Variants in FKBP1B observed in about 807,000 individuals in gnomAD.
FKBP1B encodes the protein FKBP prolyl isomerase 1B, also known as peptidyl-prolyl cis-trans isomerase FKBP1B.
FKBP1B carries 4 observed loss-of-function variants against 13.5 expected under a neutral mutation model. The ratio of observed to expected loss-of-function variants is 0.30; its 90% CI spans 0.15 to 0.68. The LOEUF is 0.68. FKBP1B is among the 30% of genes least tolerant of loss of function. FKBP1B has a pLI of 0.76. For synonymous variants in FKBP1B, 54 were observed against 53.6 expected (o/e 1.01, Z -0.03); for missense variants, 93 against 136.2 (o/e 0.68, Z 1.58).
chr2:24,057,000 T>C (rs533555509), intron 2 of FKBP1B, among the ~76,000 whole-genome samples: 10 of 152,090 alleles, frequency 6.6e-5, no homozygotes, highest in Admixed American at 6.6e-4. Flanking sequence ...CGGTTGTCTT[T>C]TTCTTGTTGA....
chr2:24,056,832 A>G (rs1011947938), intron 2 of FKBP1B, among the ~76,000 whole-genome samples: 5 of 152,074 alleles, frequency 3.3e-5, no homozygotes, highest in Admixed American at 3.3e-4. Context: ...CTGGGATTAC[A>G]GGTGTGTGCC....
Position 24,063,359 on chromosome 2 carries a change from C to T in FKBP1B, c.*167C>T, listed in dbSNP as rs1377088191. The T allele has an allele frequency of 3.2e-6, 2 of 629,436 alleles. No homozygotes were observed. The highest frequency in any genetic ancestry group is 5.0e-6 in the Non-Finnish European group (2 of 396,100). 39.0% of individuals were successfully genotyped at this position (629,436 alleles called of 1,614,324 possible). A position where few individuals can be genotyped will look rare whatever the true frequency, so the allele number is the denominator to read the frequency against. On this transcript the variant is annotated 3_prime_UTR_variant, in exon 4 of 4. Transcript: ENST00000380986. ...CCCAAGTTGCTCTGTATGTGTTCGT[C>T]AGTGTTCATGCGAATTCTTGCTTGA...
the FKBP1B span, chr2:24,039,587 A>C: frequency 7.4e-7 from 1 of 1,346,294 alleles, no homozygotes; most frequent in Non-Finnish European, 1.0e-6. Context: ...TTGGTAAGAC[A>C]ACGGCTTAGC....
At chr2:24,042,233 C>A in the FKBP1B span, among the ~76,000 whole-genome samples, 1 of 151,876 alleles carries the variant, frequency 6.6e-6, no homozygotes, top group Non-Finnish European at 1.5e-5. Flanking sequence ...GAAACCCCAT[C>A]TCTACTAAAA....
chr2:24,043,673 C>A, the FKBP1B span, among the ~76,000 whole-genome samples: 1 of 152,184 alleles, frequency 6.6e-6, no homozygotes, highest in Non-Finnish European at 1.5e-5. Context: ...CAAAACATCT[C>A]TCACCAGGCC....
chr2:24,061,193 G>A (rs910384930), intron 3 of FKBP1B, among the ~76,000 whole-genome samples: 15 of 152,228 alleles, frequency 9.9e-5, no homozygotes, highest in African/African-American at 2.9e-4. Flanking sequence ...AGCCAGGCAC[G>A]GTGGCTCACA....
At chr2:24,039,054 G>A in the FKBP1B span, 1 of 1,614,112 alleles carries the variant, frequency 6.2e-7, no homozygotes, top group Non-Finnish European at 8.5e-7. Flanking sequence ...CCTTTACCTG[G>A]GAATCATCAG....
chr2:24,063,478 TTCG>T lies in FKBP1B; in HGVS notation c.*287_*289del. 3.0e-6 allele frequency: 1 copy of T among 337,470 alleles called. No individual in the cohort carries two copies. Among genetic ancestry groups the T allele is most frequent in the Non-Finnish European group, 5.3e-6 (1 of 186,918 alleles). The allele number at this position is 337,470 out of a possible 1,614,324, so 20.9% of individuals were successfully genotyped here. ...CTGATGACAGAACACAGATCTCTTG[TTCG>T]CACAATCTACACTGCCTTACCTTCA... On this transcript the variant is annotated 3_prime_UTR_variant, in exon 4 of 4. Transcript: ENST00000380986.
At chr2:24,038,587 A>G in the FKBP1B span, 1 of 1,613,840 alleles carries the variant, frequency 6.2e-7, no homozygotes, top group Non-Finnish European at 8.5e-7. Flanking sequence ...CTTTTTTCTT[A>G]GACAAATAAG....
At chr2:24,059,235 T>A (rs1340308742) in intron 2 of FKBP1B, among the ~76,000 whole-genome samples, 1 of 152,196 alleles carries the variant, frequency 6.6e-6, no homozygotes, top group East Asian at 1.9e-4. Flanking sequence ...GAAGGTCTGA[T>A]CTTTGAGTCA....
At chr2:24,059,807 A>T (rs1419182755) in intron 2 of FKBP1B, among the ~76,000 whole-genome samples, 3 of 148,758 alleles carry the variant, frequency 2.0e-5, no homozygotes, top group Admixed American at 6.8e-5. Context: ...AGGCAGGAGA[A>T]TCCCTTGAAC....
At chr2:24,038,438 C>A in the FKBP1B span, 1 of 1,614,114 alleles carries the variant, frequency 6.2e-7, no homozygotes, top group Non-Finnish European at 8.5e-7. Context: ...ACTGCCACTA[C>A]GTGGGCTTTA....
chr2:24,049,932 C>A (rs1663776648), intron 1 of FKBP1B, 46 bp downstream of exon 1: 10 of 1,339,386 alleles, frequency 7.5e-6, no homozygotes, highest in South Asian at 1.7e-5. Flanking sequence ...GGTCCCGGGG[C>A]GGAGCCCGGA....
the FKBP1B span, chr2:24,038,295 T>C: frequency 6.2e-7 from 1 of 1,614,200 alleles, no homozygotes; most frequent in East Asian, 2.2e-5. Flanking sequence ...CTACCAAAAT[T>C]AGTAATAGTT....
At chr2:24,053,123 G>A (rs146290863) in intron 1 of FKBP1B, among the ~76,000 whole-genome samples, 6 of 151,830 alleles carry the variant, frequency 4.0e-5, no homozygotes, top group Non-Finnish European at 8.8e-5. Flanking sequence ...TTGTCTGTTT[G>A]TTTATTGTGA....
the FKBP1B span, among the ~76,000 whole-genome samples, chr2:24,034,879 A>G: frequency 6.6e-5 from 10 of 152,096 alleles, no homozygotes; most frequent in Non-Finnish European, 1.5e-5. Flanking sequence ...CTGGCCAAAC[A>G]TGGTTGTTTT....
At chr2:24,062,000 G>GC (rs1374036793) in intron 3 of FKBP1B, among the ~76,000 whole-genome samples, 2 of 152,042 alleles carry the variant, frequency 1.3e-5, no homozygotes, top group African/African-American at 4.8e-5. Context: ...CTCCCTAGTA[G>GC]CTGGGACTAC....
the FKBP1B span, among the ~76,000 whole-genome samples, chr2:24,044,451 G>C: frequency 9.2e-5 from 14 of 152,190 alleles, no homozygotes; most frequent in African/African-American, 2.9e-4. Context: ...ATTTTTAGTA[G>C]AGACTGGGTT....
the FKBP1B span, among the ~76,000 whole-genome samples, chr2:24,035,124 A>G: frequency 2.0e-5 from 3 of 151,858 alleles, no homozygotes; most frequent in Non-Finnish European, 2.9e-5. Context: ...AGGTTGGATT[A>G]TGGAAAATTT....
Sources: gnomAD v4.1 joint callset for allele counts (sites outside exome capture counted in the v4.1 genomes callset) on GRCh38, gnomAD v4.1.1 for gene constraint, MANE v1.5 for transcripts, NCBI Gene and HGNC (gene_info 2026-07-23, HGNC 2026-07-21) for gene names.